Variants in PLCE1 observed in about 807,000 individuals in gnomAD.
PLCE1 encodes phospholipase C epsilon 1.
A neutral mutation model predicts 242.8 loss-of-function variants in PLCE1; 119 were observed. The observed-to-expected ratio is 0.49, with a 90% CI of 0.42 to 0.57. The LOEUF is 0.57. PLCE1 is among the 20% of genes least tolerant of loss of function. The pLI, the probability that PLCE1 is intolerant of heterozygous loss-of-function variation, is 0.00. For synonymous variants in PLCE1, 945 were observed against 1,017.4 expected, an observed-to-expected ratio of 0.93 and a Z score of 1.35; for missense variants, 2,441 against 2,788.8, an observed-to-expected ratio of 0.88 and a Z score of 2.81.
chr10:94,070,992 G>A (rs75228128), intron 2 of PLCE1, among the ~76,000 whole-genome samples: 4,561 of 152,180 alleles, frequency 0.03, 193 homozygotes, highest in African/African-American at 0.085. Context: ...ATACCCAACC[G>A]CATGCTTAAT....
At chr10:94,110,382 G>A (rs940557422) in intron 2 of PLCE1, among the ~76,000 whole-genome samples, 7 of 151,952 alleles carry the variant, frequency 4.6e-5, no homozygotes, top group African/African-American at 1.7e-4. Context: ...CTTTTCTAAG[G>A]GTTGTCAAGG....
intron 2 of PLCE1, chr10:94,109,098 C>G (rs1396113705): frequency 1.3e-5 from 2 of 152,226 alleles, no homozygotes; most frequent in Middle Eastern, 3.4e-3. Context: ...GTTTTTGTAT[C>G]TAGATATATT....
intron 4 of PLCE1, among the ~76,000 whole-genome samples, chr10:94,201,334 G>C (rs1464380948): frequency 6.6e-6 from 1 of 152,184 alleles, no homozygotes; most frequent in Non-Finnish European, 1.5e-5. Context: ...TTGTTGTAAA[G>C]ATAGAAATAG....
chr10:94,146,204 G>C (rs998631963), intron 3 of PLCE1, among the ~76,000 whole-genome samples: 1 of 152,146 alleles, frequency 6.6e-6, no homozygotes, highest in African/African-American at 2.4e-5. Flanking sequence ...GCTTTTCCCT[G>C]GATTAGGAAT....
Position 94,031,303 on chromosome 10 carries a change from G to T in PLCE1, c.257G>T (p.Ser86Ile). 4 of 1,613,872 alleles carry T rather than the reference G, an allele frequency of 2.5e-6. No individual in the cohort carries two copies. The highest frequency in any genetic ancestry group is 3.4e-6 in the Non-Finnish European group (4 of 1,179,874). The change falls in exon 2 of 33, where the codon AGT becomes ATT. Residue 86 changes from serine (S) to isoleucine (I), a missense_variant. By Grantham distance (142) the Ser-to-Ile change is moderately radical. Around this residue, in one of 5 missense-constraint regions of PLCE1, gnomAD observed 393 missense variants for 378.5 expected, o/e 1.04. Transcript: ENST00000371380. ...AREKIVSDEN[S>I]NEKCWEKIMP... ...GAGAAAATAGTGAGTGATGAGAACAGTAATGAAAAATGTTGGGAGAAAATC... is the reference window on the plus strand; with the variant it reads ...GAGAAAATAGTGAGTGATGAGAACATTAATGAAAAATGTTGGGAGAAAATC...
At position 94,293,488 on chromosome 10, in the gene PLCE1, T is replaced by C; in HGVS notation, c.5036-20T>C. The stretch of plus-strand genomic sequence containing the variant: ...TTGCTTGTAGTTTTTGGCTTATTTA[T>C]TTTCATTTTATGGGAACAGGACTGT... On this transcript the variant is annotated intron_variant, in intron 22 of 32. Coordinates refer to ENST00000371380, the MANE Select transcript of PLCE1 (RefSeq NM_016341.4). 1 of 1,612,280 alleles carries C rather than the reference T, an allele frequency of 6.2e-7. No homozygotes were observed. The highest frequency in any genetic ancestry group is 8.5e-7 in the Non-Finnish European group (1 of 1,178,836).
intron 5 of PLCE1, among the ~76,000 whole-genome samples, chr10:94,232,471 TG>T (rs2137265724): frequency 6.6e-6 from 1 of 152,198 alleles, no homozygotes; most frequent in East Asian, 1.9e-4. Flanking sequence ...TGGGAAAGGA[TG>T]GGGATAGAGG....
rs372896342 is a variant in PLCE1, at chr10:94,147,450, GAGAGAGAA to G, written c.1492+15007_1492+15014del. 1.2e-3 allele frequency among the ~76,000 whole-genome samples: 165 copies of G among 134,696 alleles called. 2 individuals carry two copies. Among genetic ancestry groups the G allele is most frequent in the Middle Eastern group, 0.011 (3 of 280 alleles). The allele number at this position is 134,696 out of a possible 152,430, so 88.4% of individuals were successfully genotyped here. On this transcript the variant is annotated intron_variant, in intron 3 of 32. Coordinates refer to ENST00000371380, the MANE Select transcript of PLCE1 (RefSeq NM_016341.4). ...AGAAAGAAAGAGAGAGAAAGAGAGA[GAGAGAGAA>G]AGAGAGAAAGAGAGAGGAGAGAAAG... is the stretch of plus-strand genomic sequence containing the variant.
chr10:94,287,968 C>T (rs1001450198), intron 22 of PLCE1, among the ~76,000 whole-genome samples: 14 of 152,086 alleles, frequency 9.2e-5, no homozygotes, highest in Non-Finnish European at 1.8e-4. Context: ...GACTCTTCAA[C>T]TCATTGTGAC....
chr10:94,306,408 T>G lies in PLCE1; in HGVS notation c.5623-19T>G. ...TTTATCCTCGGTGACTTTGATCCCTTTTGTCTCCCTCACCCTAGATTGTCT... is the reference window on the plus strand; with the variant it reads ...TTTATCCTCGGTGACTTTGATCCCTGTTGTCTCCCTCACCCTAGATTGTCT... On this transcript the variant is annotated intron_variant, in intron 25 of 32. Transcript: ENST00000371380. The surrounding 1 kb of genome is among the most constrained non-coding windows in gnomAD (Gnocchi z 5.7). The G allele has an allele frequency of 6.2e-7, 1 of 1,614,132 alleles. No individual in the cohort carries two copies. Among genetic ancestry groups the G allele is most frequent in the Non-Finnish European group, 8.5e-7 (1 of 1,179,968 alleles).
intron 2 of PLCE1, among the ~76,000 whole-genome samples, chr10:94,072,325 G>T (rs563547158): frequency 6.6e-6 from 1 of 151,596 alleles, no homozygotes. Context: ...CACCCAGGCC[G>T]GAGTGCAGTG....
intron 4 of PLCE1, among the ~76,000 whole-genome samples, chr10:94,217,389 A>C (rs2049565551): frequency 6.6e-6 from 1 of 152,232 alleles, no homozygotes; most frequent in African/African-American, 2.4e-5. Context: ...AGTTATATCA[A>C]GACATTTTAT....
rs2054146741 is a variant in PLCE1 at position 94,330,563 on chromosome 10, C to T, written c.*2620C>T. 1 of 151,738 alleles carries T rather than the reference C, an allele frequency of 6.6e-6. No homozygotes were observed. The highest frequency in any genetic ancestry group is 1.5e-5 in the Non-Finnish European group (1 of 67,970). The allele number at this position is 151,738 out of a possible 1,614,324, so 9.4% of individuals were successfully genotyped here. ...ATACAAAAATTAGTGGTGGTGGGCA[C>T]CTGTAAATCCCAGCTATTGGGGAGG... On this transcript the variant is annotated 3_prime_UTR_variant, in exon 33 of 33. Coordinates refer to ENST00000371380, the MANE Select transcript of PLCE1 (RefSeq NM_016341.4).
At chr10:94,098,426 C>A (rs1250862572) in intron 2 of PLCE1, among the ~76,000 whole-genome samples, 1 of 152,094 alleles carries the variant, frequency 6.6e-6, no homozygotes, top group African/African-American at 2.4e-5. Flanking sequence ...TGCATAAATA[C>A]TTCTTAGTAT....
In PLCE1 at chr10:94,020,677, T is replaced by C. The variant is rs2061361577; in HGVS notation, c.-364-10006T>C. The stretch of plus-strand genomic sequence containing the variant: ...GAGATAGGGGTTGAGGTTCATTTTT[T>C]TTCATGCAGAAGTTTTGTTGATCCA... On this transcript the variant is annotated intron_variant, in intron 1 of 32. Transcript: ENST00000371380. 3.3e-5 allele frequency among the ~76,000 whole-genome samples: 5 copies of C among 152,174 alleles called. 1 individual carries two copies. The South Asian group carries it at 1.0e-3, about 32-fold the overall frequency.
At chr10:94,043,301 C>A (rs768364826) in intron 2 of PLCE1, among the ~76,000 whole-genome samples, 1 of 152,186 alleles carries the variant, frequency 6.6e-6, no homozygotes, top group Non-Finnish European at 1.5e-5. Context: ...GCTATGGAAA[C>A]CCGACGCTTT....
At chr10:93,998,630 A>C (rs1033639118) in intron 1 of PLCE1, among the ~76,000 whole-genome samples, 2 of 152,160 alleles carry the variant, frequency 1.3e-5, no homozygotes, top group African/African-American at 4.8e-5. Flanking sequence ...TTGCATAGAG[A>C]CAGACACATC....
intron 4 of PLCE1, among the ~76,000 whole-genome samples, chr10:94,224,436 G>C (rs918956746): frequency 6.6e-6 from 1 of 152,152 alleles, no homozygotes; most frequent in Non-Finnish European, 1.5e-5. Context: ...TCAATGCATG[G>C]TATCAGAACA....
rs2060772036 is a variant in PLCE1 at position 93,994,074 on chromosome 10, G to T, written c.-549G>T. ...GGCGCGCCCGGGCTCTACCTCCCGG[G>T]CTCTGCCTCCCGGGCTCTGCCTCTC... On this transcript the variant is annotated 5_prime_UTR_variant, in exon 1 of 33. Coordinates refer to ENST00000371380, the MANE Select transcript of PLCE1 (RefSeq NM_016341.4). 6.6e-6 allele frequency among the ~76,000 whole-genome samples: 1 copy of T among 151,726 alleles called. No individual in the cohort carries two copies. Among genetic ancestry groups the T allele is most frequent in the Non-Finnish European group, 1.5e-5 (1 of 67,770 alleles).
Sources: gnomAD v4.1 joint callset for allele counts (sites outside exome capture counted in the v4.1 genomes callset) on GRCh38, gnomAD v4.1.1 for gene constraint, gnomAD v4.1.1 regional missense constraint, Gnocchi (gnomAD v3.1) non-coding constraint, MANE v1.5 for transcripts, NCBI Gene and HGNC (gene_info 2026-07-23, HGNC 2026-07-21) for gene names.